The following SLC13A3 variants were observed in gnomAD, a reference collection of about 807,000 sequenced individuals.
The protein encoded by SLC13A3 is solute carrier family 13 member 3, also known as Na(+)/dicarboxylate cotransporter 3.
A neutral mutation model predicts 59.0 loss-of-function variants in SLC13A3; 40 were observed. The observed-to-expected ratio is 0.68, with a 90% CI of 0.53 to 0.88. The LOEUF is 0.88. SLC13A3 is among the 40% of genes least tolerant of loss of function. The pLI, the probability that SLC13A3 is intolerant of heterozygous loss-of-function variation, is 0.00. For synonymous variants in SLC13A3, 317 were observed against 330.3 expected, an observed-to-expected ratio of 0.96 and a Z score of 0.44; for missense variants, 699 against 783.2, an observed-to-expected ratio of 0.89 and a Z score of 1.28.
chr20:46,567,609 G>A (rs78144916), intron 10 of SLC13A3, among the ~76,000 whole-genome samples: 11,809 of 150,744 alleles, frequency 0.078, 674 homozygotes, highest in Non-Finnish European at 0.11. Flanking sequence ...CTCCAGGGCA[G>A]AGACGGGTAG....
chr20:46,661,545 G>A (rs1209585363), intron 1 of SLC13A3, among the ~76,000 whole-genome samples: 1 of 152,230 alleles, frequency 6.6e-6, no homozygotes, highest in Non-Finnish European at 1.5e-5. Context: ...AATGTTGGGA[G>A]TTCTCTCTCT....
chr20:46,563,593 C>A, intron 11 of SLC13A3, 42 bp from the exon 12 acceptor site: 6 of 1,581,980 alleles, frequency 3.8e-6, no homozygotes, highest in Non-Finnish European at 5.2e-6. Context: ...GAGAGACCAA[C>A]GCAGAGCGAC....
rs183307040 is a variant in SLC13A3 at position 46,584,973 on chromosome 20, T to C, written c.1122-1304A>G. ...GATAACGTCAATCTATGTATTGACA[T>C]AGAAACACAACCAAGACACCCTGTA... On this transcript the variant is annotated intron_variant, in intron 8 of 12. Transcript: ENST00000279027. 14 of 210,318 alleles carry C rather than the reference T, an allele frequency of 6.7e-5. No homozygotes were observed. In the East Asian group the frequency reaches 2.6e-3, roughly 39 times the overall value. 13.0% of individuals were successfully genotyped at this position (210,318 alleles called of 1,614,324 possible). A position where few individuals can be genotyped will look rare whatever the true frequency, so the allele number is the denominator to read the frequency against.
upstream of SLC13A3, among the ~76,000 whole-genome samples, chr20:46,673,449 T>A (rs1234125517): frequency 6.6e-6 from 1 of 152,178 alleles, no homozygotes. Context: ...CTTTGCAGCC[T>A]TCTTTCTGCT....
At chr20:46,630,385 A>C (rs2054993042) in intron 1 of SLC13A3, among the ~76,000 whole-genome samples, 1 of 152,198 alleles carries the variant, frequency 6.6e-6, no homozygotes, top group South Asian at 2.1e-4. Flanking sequence ...CTTCTCTGAC[A>C]TGCATGCTCC....
chr20:46,652,547 AT>A (rs11471373), upstream of SLC13A3, among the ~76,000 whole-genome samples: 66,597 of 117,426 alleles, frequency 0.57, 19,257 homozygotes, highest in Non-Finnish European at 0.71. Flanking sequence ...TATCTGGCTA[AT>A]TTTTTTTTTT....
intron 12 of SLC13A3, among the ~76,000 whole-genome samples, chr20:46,562,319 C>G (rs2061938210): frequency 6.6e-6 from 1 of 152,188 alleles, no homozygotes; most frequent in East Asian, 1.9e-4. Context: ...CTGCAGCCAC[C>G]CCAGCCTCCT....
intron 2 of SLC13A3, among the ~76,000 whole-genome samples, chr20:46,612,097 TTCTTTCTC>T (rs1346149826): frequency 2.7e-5 from 4 of 149,940 alleles, no homozygotes; most frequent in Admixed American, 6.6e-5. Flanking sequence ...TTTCTTTTCT[TTCTTTCTC>T]TCTTTCTCTC....
intron 4 of SLC13A3, among the ~76,000 whole-genome samples, chr20:46,598,548 A>C (rs1404790693): frequency 6.6e-6 from 1 of 152,222 alleles, no homozygotes; most frequent in Non-Finnish European, 1.5e-5. Context: ...CTGCACAGGC[A>C]GATGTTTAAA....
upstream of SLC13A3, among the ~76,000 whole-genome samples, chr20:46,674,605 G>A (rs1467882779): frequency 7.4e-5 from 3 of 40,570 alleles, no homozygotes; most frequent in African/African-American, 3.4e-4. Flanking sequence ...GCGCGCGCGC[G>A]TGTGTGTGTG....
chr20:46,627,882 T>G (rs1201433187), intron 1 of SLC13A3, among the ~76,000 whole-genome samples: 1 of 152,092 alleles, frequency 6.6e-6, no homozygotes, highest in Non-Finnish European at 1.5e-5. Context: ...TAAACTGAGG[T>G]CTGGAGAGGA....
chr20:46,642,710 C>T (rs1346460872), intron 1 of SLC13A3, among the ~76,000 whole-genome samples: 3 of 152,206 alleles, frequency 2.0e-5, no homozygotes, highest in Non-Finnish European at 4.4e-5. Context: ...AGCTTGTCAG[C>T]CTGACCCCAG....
At chr20:46,665,791 T>C (rs1234059185) in intron 1 of SLC13A3, among the ~76,000 whole-genome samples, 2 of 152,242 alleles carry the variant, frequency 1.3e-5, no homozygotes, top group East Asian at 1.9e-4. Context: ...GGTAACTCTA[T>C]GTCTAACCTT....
chr20:46,592,236 C>G (rs2062266326), intron 6 of SLC13A3, among the ~76,000 whole-genome samples, 168 bp downstream of exon 6: 1 of 151,920 alleles, frequency 6.6e-6, no homozygotes, highest in African/African-American at 2.4e-5. Flanking sequence ...TACATACATA[C>G]ATACATACAT....
At chr20:46,583,344 CAG>C in intron 9 of SLC13A3, 1 of 1,209,242 alleles carries the variant, frequency 8.3e-7, no homozygotes, top group Non-Finnish European at 1.0e-6. Context: ...TGTTCAAAAA[CAG>C]ATAGCAGGCT....
rs137878177 is a variant in SLC13A3, at chr20:46,663,637, T to C, written c.-31+6406A>G. 1.1e-3 allele frequency among the ~76,000 whole-genome samples: 174 copies of C among 152,322 alleles called. No homozygotes were observed. In the East Asian group the frequency reaches 0.021, roughly 19 times the overall value. ...AGTTCAGGTCCTATTCTAAGAGCTT[T>C]ACATGATTTAATTCATTGAACATTT... On this transcript the variant is annotated intron_variant, in intron 1 of 12. Coordinates refer to the SLC13A3 transcript ENST00000290317.
intron 4 of SLC13A3, 118 bp from the exon 5 acceptor site, chr20:46,596,460 A>G: frequency 1.2e-6 from 1 of 835,646 alleles, no homozygotes; most frequent in Non-Finnish European, 1.9e-6. Context: ...GGTATCAAAA[A>G]CCCGTAACAA....
chr20:46,667,792 T>C (rs2122925591), intron 1 of SLC13A3, among the ~76,000 whole-genome samples: 1 of 152,366 alleles, frequency 6.6e-6, no homozygotes, highest in Admixed American at 6.5e-5. Context: ...GTGACAACCC[T>C]ACAGTGAGCA....
chr20:46,637,078 C>A (rs971413015), intron 1 of SLC13A3, among the ~76,000 whole-genome samples: 1 of 152,124 alleles, frequency 6.6e-6, no homozygotes, highest in African/African-American at 2.4e-5. Flanking sequence ...GGATTACAGG[C>A]GTGAGCCACC....
Sources: allele counts gnomAD v4.1 joint callset (sites outside exome capture counted in the v4.1 genomes callset), GRCh38; gene constraint gnomAD v4.1.1; transcripts MANE v1.5; gene names NCBI Gene and HGNC (gene_info 2026-07-23, HGNC 2026-07-21).